NKAIN2: variants seen among roughly 807,000 people sequenced by gnomAD.
NKAIN2 encodes sodium/potassium transporting ATPase interacting 2.
A neutral mutation model predicts 32.6 loss-of-function variants in NKAIN2; 14 were observed. That is an observed-to-expected ratio of 0.43 (90% CI 0.28 to 0.67). The LOEUF (loss-of-function observed/expected upper bound fraction) is 0.67, where lower values mean the gene tolerates loss of function less well. Ranked by LOEUF, NKAIN2 falls within the 30% of genes least tolerant of loss-of-function variation. The pLI is 0.17. For missense variants in NKAIN2, 198 were observed against 258.3 expected, an observed-to-expected ratio of 0.77 and a Z score of 1.60; for synonymous variants, 80 against 87.2, an observed-to-expected ratio of 0.92 and a Z score of 0.46.
intron 1 of NKAIN2, among the ~76,000 whole-genome samples, chr6:124,151,851 A>T (rs1245060768): frequency 6.6e-6 from 1 of 151,982 alleles, no homozygotes; most frequent in Admixed American, 6.6e-5. Flanking sequence ...TTGACTACAT[A>T]TTAATTTATA....
intron 1 of NKAIN2, among the ~76,000 whole-genome samples, chr6:124,161,238 T>C (rs1480771432): frequency 1.3e-5 from 2 of 152,034 alleles, no homozygotes; most frequent in African/African-American, 4.8e-5. Flanking sequence ...AGGCATGTCT[T>C]ACATGGCAGG....
intron 4 of NKAIN2, among the ~76,000 whole-genome samples, chr6:124,722,748 C>A (rs1164442451): frequency 6.6e-6 from 1 of 152,344 alleles, no homozygotes; most frequent in African/African-American, 2.4e-5. Flanking sequence ...GCTTAAGGAA[C>A]TGCTATACTG....
intron 3 of NKAIN2, among the ~76,000 whole-genome samples, chr6:124,367,275 G>A (rs1799562043): frequency 6.6e-6 from 1 of 152,102 alleles, no homozygotes; most frequent in Non-Finnish European, 1.5e-5. Context: ...TTGGAATCAT[G>A]TTTTATGCAT....
At chr6:123,950,628 G>A (rs1358214634) in intron 1 of NKAIN2, among the ~76,000 whole-genome samples, 1 of 151,656 alleles carries the variant, frequency 6.6e-6, no homozygotes, top group African/African-American at 2.4e-5. Context: ...GTATTTGTAT[G>A]GTATCAGTTG....
At chr6:124,105,879 A>G (rs1477335707) in intron 1 of NKAIN2, among the ~76,000 whole-genome samples, 1 of 152,152 alleles carries the variant, frequency 6.6e-6, no homozygotes, top group Non-Finnish European at 1.5e-5. Flanking sequence ...AAACATTTAT[A>G]CCCTTTAGAT....
intron 3 of NKAIN2, among the ~76,000 whole-genome samples, chr6:124,506,955 A>G (rs1778510608): frequency 6.6e-6 from 1 of 152,216 alleles, no homozygotes; most frequent in African/African-American, 2.4e-5. Flanking sequence ...AGCCTCCTGA[A>G]TCAGAATCTG....
intron 1 of NKAIN2, among the ~76,000 whole-genome samples, chr6:124,009,877 G>T (rs1780243259): frequency 6.6e-6 from 1 of 152,006 alleles, no homozygotes. Flanking sequence ...CATTTTATAT[G>T]CGTATGTATA....
intron 3 of NKAIN2, among the ~76,000 whole-genome samples, chr6:124,503,323 G>A (rs527432776): frequency 7.9e-5 from 12 of 152,036 alleles, no homozygotes; most frequent in Non-Finnish European, 1.5e-4. Flanking sequence ...ATATAACTTG[G>A]AAAAAGCTCT....
intron 3 of NKAIN2, among the ~76,000 whole-genome samples, chr6:124,522,919 G>A (rs552800213): frequency 8.8e-4 from 133 of 151,566 alleles, no homozygotes; most frequent in Non-Finnish European, 1.4e-3. Flanking sequence ...CGAGGCGGGC[G>A]GATCACGAGG....
At chr6:123,911,809 A>G (rs1582764283) in intron 1 of NKAIN2, among the ~76,000 whole-genome samples, 2 of 102,008 alleles carry the variant, frequency 2.0e-5, no homozygotes, top group African/African-American at 9.3e-5. Flanking sequence ...ATGTATATAT[A>G]TATACACACA....
At chr6:124,736,853 C>T (rs1365289748) in intron 4 of NKAIN2, among the ~76,000 whole-genome samples, 1 of 151,928 alleles carries the variant, frequency 6.6e-6, no homozygotes, top group Admixed American at 6.6e-5. Context: ...CCTGCTAACA[C>T]AACAACCATT....
chr6:124,588,919 T>A (rs529474151), intron 3 of NKAIN2, among the ~76,000 whole-genome samples: 1 of 152,336 alleles, frequency 6.6e-6, no homozygotes, highest in Non-Finnish European at 1.5e-5. Context: ...TGGAGGAATC[T>A]ATTTTAGTGA....
intron 3 of NKAIN2, among the ~76,000 whole-genome samples, chr6:124,504,513 T>C (rs1778403925): frequency 6.6e-6 from 1 of 152,172 alleles, no homozygotes; most frequent in Non-Finnish European, 1.5e-5. Flanking sequence ...GAATAACTCA[T>C]CAACAGCATA....
intron 5 of NKAIN2, among the ~76,000 whole-genome samples, chr6:124,815,836 G>A (rs1229519526): frequency 6.6e-6 from 1 of 152,038 alleles, no homozygotes; most frequent in Non-Finnish European, 1.5e-5. Flanking sequence ...TTTTTGAGGG[G>A]CTCTTAATTT....
intron 3 of NKAIN2, among the ~76,000 whole-genome samples, chr6:124,416,976 C>G (rs1319222450): frequency 1.3e-5 from 2 of 152,162 alleles, no homozygotes; most frequent in African/African-American, 4.8e-5. Flanking sequence ...CCCAGTGGAG[C>G]AGTGTCAGAG....
chr6:123,946,451 G>A (rs889874565), intron 1 of NKAIN2, among the ~76,000 whole-genome samples: 1 of 152,164 alleles, frequency 6.6e-6, no homozygotes, highest in Middle Eastern at 3.4e-3. Flanking sequence ...AATTCTCACT[G>A]TGTTAATGAA....
intron 1 of NKAIN2, among the ~76,000 whole-genome samples, chr6:123,859,347 A>C (rs1775689785): frequency 6.6e-6 from 1 of 152,144 alleles, no homozygotes; most frequent in Non-Finnish European, 1.5e-5. Context: ...TGGGTGAATC[A>C]ATGAGGCTGG....
chr6:123,940,199 A>G (rs1342113173), intron 1 of NKAIN2, among the ~76,000 whole-genome samples: 3 of 151,962 alleles, frequency 2.0e-5, no homozygotes, highest in African/African-American at 7.2e-5. Context: ...CAGGCTAACC[A>G]CCATTGGCTA....
At chr6:124,812,254 T>C (rs372050874) in intron 5 of NKAIN2, among the ~76,000 whole-genome samples, 2 of 152,316 alleles carry the variant, frequency 1.3e-5, no homozygotes, top group Admixed American at 6.5e-5. Flanking sequence ...AAAAGTCTTC[T>C]CTTTATTATC....
Sources: gnomAD v4.1 joint callset for allele counts (sites outside exome capture counted in the v4.1 genomes callset) on GRCh38, gnomAD v4.1.1 for gene constraint, MANE v1.5 for transcripts, NCBI Gene and HGNC (gene_info 2026-07-23, HGNC 2026-07-21) for gene names.